NELL1: variants seen among roughly 807,000 people sequenced by gnomAD.
The protein encoded by NELL1 is protein kinase C-binding protein NELL1.
In NELL1, 76 loss-of-function variants were observed where a neutral mutation model predicts 107.4. That is an observed-to-expected ratio of 0.71 (90% CI 0.59 to 0.86). The LOEUF (loss-of-function observed/expected upper bound fraction) is 0.86, where lower values mean the gene tolerates loss of function less well. Among genes scored for constraint, NELL1 ranks in the 40% least tolerant of loss-of-function variants. The pLI is 0.00. For synonymous variants in NELL1, 353 were observed against 341.2 expected (o/e 1.03, Z -0.38); for missense variants, 1,024 against 1,005.5 (o/e 1.02, Z -0.25).
At chr11:21,147,836 CAAAA>C (rs35688285) in intron 13 of NELL1, among the ~76,000 whole-genome samples, 4 of 28,816 alleles carry the variant, frequency 1.4e-4, no homozygotes, top group African/African-American at 3.7e-4. Context: ...AACTCCGTCT[CAAAA>C]AAAAAAAAAA....
At chr11:20,935,562 C>G (rs920254999) in intron 9 of NELL1, 1 of 152,164 alleles carries the variant, frequency 6.6e-6, no homozygotes, top group African/African-American at 2.4e-5. Flanking sequence ...GTTTGCTGAA[C>G]TAAGGATTTT....
intron 4 of NELL1, among the ~76,000 whole-genome samples, chr11:20,870,115 G>A (rs769420682): frequency 6.6e-6 from 1 of 152,144 alleles, no homozygotes; most frequent in Non-Finnish European, 1.5e-5. Flanking sequence ...GCCTCATTGA[G>A]CCTCAACATA....
chr11:20,898,067 T>C (rs904360127), intron 5 of NELL1, among the ~76,000 whole-genome samples: 27 of 152,196 alleles, frequency 1.8e-4, no homozygotes, highest in African/African-American at 6.5e-4. Context: ...ATCCCATTAC[T>C]GGGTATATAC....
At chr11:20,672,078 A>G (rs1590194054) in intron 1 of NELL1, among the ~76,000 whole-genome samples, 1 of 152,226 alleles carries the variant, frequency 6.6e-6, no homozygotes, top group South Asian at 2.1e-4. Flanking sequence ...TCTTCTACAC[A>G]CATTATCGGA....
chr11:21,365,008 A>G (rs1343283448), intron 14 of NELL1, among the ~76,000 whole-genome samples: 1 of 152,130 alleles, frequency 6.6e-6, no homozygotes, highest in Non-Finnish European at 1.5e-5. Context: ...CCTGTACTTC[A>G]CCTGGCAAAA....
chr11:20,900,507 C>T (rs1354986974), intron 5 of NELL1, among the ~76,000 whole-genome samples: 1 of 152,054 alleles, frequency 6.6e-6, no homozygotes, highest in Non-Finnish European at 1.5e-5. Context: ...CCACGAGGCT[C>T]ACACAGTTTT....
rs147915742 is a variant in NELL1, at chr11:20,794,824, C to T, written c.335+10994C>T. ...GTGATTAAAGGAAAATAATGACTATCACCCAAACCTGGTAATGTTCGATTT... is the reference window on the plus strand; with the variant it reads ...GTGATTAAAGGAAAATAATGACTATTACCCAAACCTGGTAATGTTCGATTT... On this transcript the variant is annotated intron_variant, in intron 3 of 19. Coordinates refer to ENST00000357134, the MANE Select transcript of NELL1 (RefSeq NM_006157.5). Among the ~76,000 whole-genome samples the T allele has an allele frequency of 4.8e-4, 73 of 152,214 alleles. No homozygotes were observed. The East Asian group carries it at 0.011, about 22-fold the overall frequency.
intron 15 of NELL1, among the ~76,000 whole-genome samples, chr11:21,407,487 G>A (rs958279886): frequency 2.0e-5 from 3 of 152,002 alleles, no homozygotes; most frequent in South Asian, 2.1e-4. Context: ...CTAGGTTATA[G>A]TCATTTGGCC....
intron 6 of NELL1, among the ~76,000 whole-genome samples, chr11:20,919,023 C>T (rs916470461): frequency 5.3e-5 from 8 of 151,770 alleles, no homozygotes; most frequent in Non-Finnish European, 1.2e-4. Context: ...TGTCATGTTG[C>T]CTTTCTTTTT....
intron 2 of NELL1, among the ~76,000 whole-genome samples, chr11:20,689,234 A>T (rs1854388216): frequency 6.6e-6 from 1 of 151,424 alleles, no homozygotes; most frequent in Non-Finnish European, 1.5e-5. Flanking sequence ...CTGCCTGTTT[A>T]CTCTGTTGAT....
In NELL1 at chr11:20,906,660, A is replaced by G. The variant is rs149224920; in HGVS notation, c.604-11522A>G. ...GGATTATGCACTATGCCCAAGTGGG[A>G]TTTATCCCAGGAGAATGGTTTAACA... On this transcript the variant is annotated intron_variant, in intron 5 of 19. Transcript: ENST00000357134. Among the ~76,000 whole-genome samples the G allele has an allele frequency of 3.9e-3, 593 of 152,184 alleles. 5 individuals carry two copies. Among genetic ancestry groups the G allele is most frequent in the African/African-American group, 0.014 (569 of 41,566 alleles).
chr11:20,795,148 G>A (rs546682006), intron 3 of NELL1, among the ~76,000 whole-genome samples: 2 of 152,358 alleles, frequency 1.3e-5, no homozygotes, highest in South Asian at 4.1e-4. Context: ...AGTAGCCAGA[G>A]TTAGAACTCT....
At chr11:21,189,353 A>T (rs543717777) in intron 13 of NELL1, among the ~76,000 whole-genome samples, 2 of 151,994 alleles carry the variant, frequency 1.3e-5, no homozygotes, top group African/African-American at 4.8e-5. Flanking sequence ...CAAATTGTTT[A>T]TTCCTAGGTT....
chr11:21,270,198 T>A (rs989291547), intron 14 of NELL1, among the ~76,000 whole-genome samples: 4 of 152,068 alleles, frequency 2.6e-5, no homozygotes, highest in African/African-American at 9.7e-5. Context: ...TAGTGTCACT[T>A]GTGTCAACAA....
chr11:21,165,822 G>A (rs1856468612), intron 13 of NELL1, among the ~76,000 whole-genome samples: 1 of 145,968 alleles, frequency 6.9e-6, no homozygotes, highest in Non-Finnish European at 1.5e-5. Flanking sequence ...GAATGCAATG[G>A]CATGATCTTG....
intron 15 of NELL1, among the ~76,000 whole-genome samples, chr11:21,405,542 A>G (rs964179884): frequency 3.9e-5 from 6 of 152,012 alleles, no homozygotes; most frequent in Non-Finnish European, 5.9e-5. Context: ...GCCATAAGAA[A>G]GTTGGCCAAA....
intron 2 of NELL1, among the ~76,000 whole-genome samples, chr11:20,758,206 C>T (rs1271614513): frequency 6.6e-6 from 1 of 152,142 alleles, no homozygotes; most frequent in Non-Finnish European, 1.5e-5. Context: ...CAAAACATCC[C>T]TTCACCCTGA....
intron 15 of NELL1, among the ~76,000 whole-genome samples, chr11:21,384,977 T>G (rs1236378935): frequency 6.6e-6 from 1 of 152,026 alleles, no homozygotes; most frequent in Non-Finnish European, 1.5e-5. Context: ...ACTCACATCA[T>G]ATTTTCCTTA....
intron 12 of NELL1, among the ~76,000 whole-genome samples, chr11:21,110,892 C>G (rs1396964660): frequency 6.6e-6 from 1 of 152,116 alleles, no homozygotes; most frequent in East Asian, 1.9e-4. Context: ...GTCTGAGCTC[C>G]TTCACACGGC....
Sources: gnomAD v4.1 joint callset for allele counts (sites outside exome capture counted in the v4.1 genomes callset) on GRCh38, gnomAD v4.1.1 for gene constraint, MANE v1.5 for transcripts, NCBI Gene and HGNC (gene_info 2026-07-23, HGNC 2026-07-21) for gene names.